Variants in CCDC138 observed in about 807,000 individuals in gnomAD.
The protein encoded by CCDC138 is coiled-coil domain-containing protein 138.
In CCDC138, 66 loss-of-function variants were observed where a neutral mutation model predicts 82.3. The ratio of observed to expected loss-of-function variants is 0.80; its 90% CI spans 0.66 to 0.98. The LOEUF (loss-of-function observed/expected upper bound fraction) is 0.98. Among genes scored for constraint, CCDC138 ranks in the 50% least tolerant of loss-of-function variants. The pLI is 0.00. For missense variants in CCDC138, 816 were observed against 758.9 expected, an observed-to-expected ratio of 1.08 and a Z score of -0.88; for synonymous variants, 297 against 265.4, an observed-to-expected ratio of 1.12 and a Z score of -1.16.
At chr2:108,794,810 T>C in intron 5 of CCDC138, 89 bp downstream of exon 5, 1 of 994,764 alleles carries the variant, frequency 1.0e-6, no homozygotes, top group South Asian at 1.6e-5. Context: ...TATATTTCAT[T>C]TTAATTACTT....
chr2:108,788,604 C>T (rs1206726719), intron 2 of CCDC138, among the ~76,000 whole-genome samples: 5 of 151,532 alleles, frequency 3.3e-5, no homozygotes, highest in Admixed American at 6.6e-5. Flanking sequence ...CCTGTAGTCC[C>T]GGCTACTCAG....
intron 13 of CCDC138, among the ~76,000 whole-genome samples, chr2:108,872,879 C>T (rs1695495909): frequency 6.6e-6 from 1 of 152,144 alleles, no homozygotes; most frequent in African/African-American, 2.4e-5. Context: ...CTAAATAGCC[C>T]CACAAGTCTT....
chr2:108,875,673 CA>C (rs1695925546), intron 14 of CCDC138, among the ~76,000 whole-genome samples: 1 of 152,070 alleles, frequency 6.6e-6, no homozygotes, highest in Non-Finnish European at 1.5e-5. Context: ...GCCTTAGCAA[CA>C]TAGTGACACC....
intron 4 of CCDC138, among the ~76,000 whole-genome samples, chr2:108,792,357 A>G (rs371478469): frequency 2.0e-5 from 3 of 152,254 alleles, no homozygotes; most frequent in African/African-American, 7.2e-5. Flanking sequence ...CATTTGAGGA[A>G]GATGAAAAAT....
intron 10 of CCDC138, among the ~76,000 whole-genome samples, chr2:108,818,463 A>G (rs1217067490): frequency 6.6e-6 from 1 of 152,216 alleles, no homozygotes; most frequent in Admixed American, 6.5e-5. Context: ...TACAGTTTCT[A>G]TTAAGCCTAG....
intron 11 of CCDC138, among the ~76,000 whole-genome samples, chr2:108,840,784 A>ATTTCTTTTTTTCTTTT (rs112943081): frequency 1.3e-5 from 2 of 148,492 alleles, no homozygotes; most frequent in South Asian, 2.1e-4. Context: ...TCTTTGTTTC[A>ATTTCTTTTTTTCTTTT]TTTCTTTTTT....
intron 10 of CCDC138, among the ~76,000 whole-genome samples, chr2:108,823,477 G>A (rs1686054151): frequency 6.6e-6 from 1 of 152,140 alleles, no homozygotes; most frequent in African/African-American, 2.4e-5. Context: ...GTGACTTTTT[G>A]TGCAAACATT....
intron 12 of CCDC138, among the ~76,000 whole-genome samples, chr2:108,853,929 A>G (rs993783692): frequency 3.2e-5 from 4 of 125,084 alleles, no homozygotes; most frequent in African/African-American, 1.2e-4. Context: ...TATATTATAT[A>G]TAATTTATAT....
In CCDC138 at chr2:108,794,582, A is replaced by C. The variant is rs1680535023; in HGVS notation, c.437A>C (p.Glu146Ala). Residue 146 changes from glutamate (E) to alanine (A), a missense_variant, in exon 5 of 15, where the codon GAG becomes GCG. Glu to Ala is a moderately radical substitution (Grantham distance 107). Coordinates refer to ENST00000295124, the MANE Select transcript of CCDC138 (RefSeq NM_144978.3). Reference sequence around the variant, plus strand: ...ACGACCTCATCGAGACCTCGGACTGAGTGTTGTAGTGATGCAGGTGACTCT... The same window carrying C: ...ACGACCTCATCGAGACCTCGGACTGCGTGTTGTAGTGATGCAGGTGACTCT... ...TNTTSSRPRT[E>A]CCSDAGDSPL... The C allele has an allele frequency of 6.2e-7, 1 of 1,613,450 alleles. No homozygotes were observed. The highest frequency in any genetic ancestry group is 1.7e-5 in the Admixed American group (1 of 59,924).
rs757997397 is a variant in CCDC138 at position 108,812,964 on chromosome 2, T to C, written c.1041+37T>C. Reference sequence around the variant, plus strand: ...TTATGATTTGATATGATTGAAAATTTCTCGGCTGGGTACGGTGGCTCACAC... The same window carrying C: ...TTATGATTTGATATGATTGAAAATTCCTCGGCTGGGTACGGTGGCTCACAC... On this transcript the variant is annotated intron_variant, in intron 9 of 14. Coordinates refer to ENST00000295124, the MANE Select transcript of CCDC138 (RefSeq NM_144978.3). The C allele has an allele frequency of 3.1e-6, 5 of 1,596,310 alleles. No individual in the cohort carries two copies. The African/African-American group carries it at 6.7e-5, about 21-fold the overall frequency.
At chr2:108,812,576 G>GT (rs1448804865) in intron 7 of CCDC138, 55 bp from the exon 8 acceptor site, 1 of 1,321,562 alleles carries the variant, frequency 7.6e-7, no homozygotes, top group Admixed American at 1.7e-5. Context: ...GAAACCCTTA[G>GT]TATGAAACCA....
intron 5 of CCDC138, among the ~76,000 whole-genome samples, chr2:108,797,778 A>C (rs1681147085): frequency 6.6e-6 from 1 of 152,202 alleles, no homozygotes; most frequent in South Asian, 2.1e-4. Flanking sequence ...ATTCACAAAG[A>C]GTGGAATATA....
At chr2:108,793,627 C>T (rs1351064937) in intron 4 of CCDC138, among the ~76,000 whole-genome samples, 2 of 150,852 alleles carry the variant, frequency 1.3e-5, no homozygotes, top group South Asian at 4.2e-4. Context: ...GATGGAGTCT[C>T]GCTCTGTCGC....
At chr2:108,859,367 T>C (rs1292638666) in intron 13 of CCDC138, among the ~76,000 whole-genome samples, 1 of 152,212 alleles carries the variant, frequency 6.6e-6, no homozygotes, top group East Asian at 1.9e-4. Flanking sequence ...ACTCTGTTGA[T>C]AGTTTCTTTT....
At chr2:108,841,166 G>T (rs916985027) in intron 11 of CCDC138, among the ~76,000 whole-genome samples, 7 of 152,054 alleles carry the variant, frequency 4.6e-5, no homozygotes, top group Non-Finnish European at 7.4e-5. Context: ...AGTTTGTTGT[G>T]TTTCTGTTAC....
At chr2:108,838,300 C>T (rs924651398) in intron 10 of CCDC138, among the ~76,000 whole-genome samples, 1 of 151,942 alleles carries the variant, frequency 6.6e-6, no homozygotes, top group African/African-American at 2.4e-5. Context: ...TTAAGACGTC[C>T]AAAACATCAT....
intron 6 of CCDC138, among the ~76,000 whole-genome samples, chr2:108,800,320 A>AGTG (rs1414966119): frequency 4.6e-5 from 7 of 152,310 alleles, no homozygotes; most frequent in Non-Finnish European, 1.0e-4. Flanking sequence ...GCTGGAGTAC[A>AGTG]GTGGCACGAT....
intron 13 of CCDC138, among the ~76,000 whole-genome samples, chr2:108,862,645 T>C (rs1205690859): frequency 2.0e-5 from 3 of 152,244 alleles, no homozygotes; most frequent in Non-Finnish European, 4.4e-5. Context: ...TACATGATAT[T>C]GAAATATATT....
At chr2:108,871,093 C>T (rs1374562997) in intron 13 of CCDC138, among the ~76,000 whole-genome samples, 1 of 151,812 alleles carries the variant, frequency 6.6e-6, no homozygotes, top group African/African-American at 2.4e-5. Flanking sequence ...AGACACGTTC[C>T]TATGGTTGTG....
Sources: gnomAD v4.1 joint callset for allele counts (sites outside exome capture counted in the v4.1 genomes callset) on GRCh38, gnomAD v4.1.1 for gene constraint, MANE v1.5 for transcripts, NCBI Gene and HGNC (gene_info 2026-07-23, HGNC 2026-07-21) for gene names.